Variants in DUOX1 observed in about 807,000 individuals in gnomAD.
The protein encoded by DUOX1 is dual oxidase 1.
DUOX1 carries 134 observed loss-of-function variants against 181.8 expected under a neutral mutation model. The ratio of observed to expected loss-of-function variants is 0.74; its 90% CI spans 0.64 to 0.85. The LOEUF (loss-of-function observed/expected upper bound fraction) is 0.85, where lower values mean the gene tolerates loss of function less well. Ranked by LOEUF, DUOX1 falls within the 40% of genes least tolerant of loss-of-function variation. The pLI is 0.00. For missense variants in DUOX1, 1,814 were observed against 2,064.4 expected, an observed-to-expected ratio of 0.88 and a Z score of 2.35; for synonymous variants, 798 against 832.5, an observed-to-expected ratio of 0.96 and a Z score of 0.71.
intron 10 of DUOX1, chr15:45,138,548 A>C (rs1567010140): frequency 1.3e-5 from 2 of 157,232 alleles, no homozygotes; most frequent in African/African-American, 2.4e-5. Context: ...ATTGATTGTG[A>C]ATTTAAAGCA....
At chr15:45,144,829 C>T (rs1896606214) in intron 17 of DUOX1, 66 bp from the exon 18 acceptor site, 2 of 1,508,236 alleles carry the variant, frequency 1.3e-6, no homozygotes, top group Non-Finnish European at 1.8e-6. Flanking sequence ...TGACATAATC[C>T]ACATAAACTG....
intron 13 of DUOX1, 39 bp downstream of exon 13, chr15:45,141,109 G>T (rs769052250): frequency 1.2e-6 from 2 of 1,613,082 alleles, no homozygotes; most frequent in South Asian, 2.2e-5. Flanking sequence ...CTCTACCTCG[G>T]CCTGGGCCCC....
At chr15:45,152,239 T>A (rs1180991525) in intron 24 of DUOX1, 47 bp from the exon 25 acceptor site, 1 of 1,560,110 alleles carries the variant, frequency 6.4e-7, no homozygotes, top group Non-Finnish European at 8.7e-7. Flanking sequence ...ACCAGCTCTC[T>A]GTCCTCTGCA....
intron 25 of DUOX1, 29 bp from the exon 26 acceptor site, chr15:45,153,351 A>G: frequency 6.2e-7 from 1 of 1,605,466 alleles, no homozygotes; most frequent in Non-Finnish European, 8.5e-7. Flanking sequence ...GGCTGCCCCA[A>G]GCTCACCACT....
chr15:45,135,000 T>C, intron 4 of DUOX1, 104 bp from the exon 5 acceptor site: 4 of 1,398,428 alleles, frequency 2.9e-6, no homozygotes, highest in Non-Finnish European at 3.9e-6. Flanking sequence ...TAATGGCTGC[T>C]GAGTCTTTTG....
Position 45,145,205 on chromosome 15 carries a change from T to G in DUOX1, c.2322+125T>G, listed in dbSNP as rs16939693. ...CAGCTAATAATCAAGTCTATTGCAATTTTGGATGAATCACCAGACTTTATC... is the reference window on the plus strand; with the variant it reads ...CAGCTAATAATCAAGTCTATTGCAAGTTTGGATGAATCACCAGACTTTATC... On this transcript the variant is annotated intron_variant, in intron 18 of 33. Transcript: ENST00000389037. 11,716 of 932,408 alleles carry G rather than the reference T, an allele frequency of 0.013. 894 individuals are homozygous for G. In the African/African-American group the frequency reaches 0.16, roughly 13 times the overall value. The allele number at this position is 932,408 out of a possible 1,614,324, so 57.8% of individuals were successfully genotyped here.
chr15:45,143,215 T>TG lies in DUOX1; in HGVS notation c.1849dup (p.Ala617GlyfsTer22). Reference sequence around the variant, plus strand: ...TGAGCCTGCTCAGTGCCTGGATTGTTGCCCGGCTCCGGATGAGAAATTTCA... The same window carrying TG: ...TGAGCCTGCTCAGTGCCTGGATTGTTGGCCCGGCTCCGGATGAGAAATTTCA... On this transcript the variant is annotated frameshift_variant, in exon 16 of 34. Coordinates refer to ENST00000389037, the MANE Select transcript of DUOX1 (RefSeq NM_175940.3). LOFTEE classifies it high-confidence loss of function. 1 of 1,614,092 alleles carries TG rather than the reference T, an allele frequency of 6.2e-7. No individual in the cohort carries two copies. The highest frequency in any genetic ancestry group is 8.5e-7 in the Non-Finnish European group (1 of 1,179,986).
At chr15:45,160,794 A>G in intron 28 of DUOX1, 43 bp from the exon 29 acceptor site, 1 of 1,563,144 alleles carries the variant, frequency 6.4e-7, no homozygotes, top group Non-Finnish European at 8.7e-7. Flanking sequence ...GTATTCTGCT[A>G]TGGGCATCGC....
chr15:45,143,372 C>T (rs1181365221), intron 16 of DUOX1, 69 bp downstream of exon 16: 4 of 1,272,578 alleles, frequency 3.1e-6, no homozygotes, highest in African/African-American at 1.5e-5. Context: ...CCCACCTCCA[C>T]CCCAGCAGCC....
rs572188492 is a variant in DUOX1 at position 45,145,037 on chromosome 15, G to A, written c.2279G>A (p.Arg760Gln). 24 of 1,613,146 alleles carry A rather than the reference G, an allele frequency of 1.5e-5. No homozygotes were observed. The highest frequency in any genetic ancestry group is 1.3e-4 in the Admixed American group (8 of 59,738). ...AGAGCAGCTGTGACACGGGAGCAGC[G>A]GAGGCACCTCCTGGAGACCTTTTTC... ...LMRAAVTREQ[R>Q]RHLLETFFRH... The change falls in exon 18 of 34, where the codon CGG (arginine) becomes CAG (glutamine). Residue 760 changes from arginine to glutamine, a missense_variant. Physicochemically the swap from Arg to Gln is conservative, Grantham distance 43 (BLOSUM62 1). This residue lies in a region of DUOX1 where 1,064 missense variants were observed against 1,152.9 expected (regional missense o/e 0.92). Coordinates refer to ENST00000389037, the MANE Select transcript of DUOX1 (RefSeq NM_175940.3).
chr15:45,161,939 C>G lies in DUOX1; in HGVS notation c.4058C>G (p.Pro1353Arg). Reference sequence around the variant, plus strand: ...CGCCTCAGGGAGATCTACTCAGCCCCGACGGGTGACAGATGTGCCAGATAC... The same window carrying G: ...CGCCTCAGGGAGATCTACTCAGCCCGGACGGGTGACAGATGTGCCAGATAC... ...TTRLREIYSAPTGDRCARYPK... is the reference protein window; with the variant it reads ...TTRLREIYSARTGDRCARYPK... Residue 1353 changes from proline (P) to arginine (R), a missense_variant, in exon 30 of 34, where the codon CCG becomes CGG. Pro to Arg is a moderately radical substitution (Grantham distance 103, BLOSUM62 -2). Around this residue, in one of 5 missense-constraint regions of DUOX1, gnomAD observed 279 missense variants for 381.9 expected, o/e 0.73. Transcript: ENST00000389037. 1.2e-6 allele frequency: 2 copies of G among 1,613,716 alleles called. No homozygotes were observed. The highest frequency in any genetic ancestry group is 2.2e-5 in the South Asian group (2 of 91,002).
At position 45,136,771 on chromosome 15, in the gene DUOX1, G is replaced by A. The variant is rs1214853176; in HGVS notation, c.1022+146G>A. 9 of 727,926 alleles carry A rather than the reference G, an allele frequency of 1.2e-5. No homozygotes were observed. The African/African-American group carries it at 1.6e-4, about 13-fold the overall frequency. 45.1% of individuals were successfully genotyped at this position (727,926 alleles called of 1,614,324 possible). A position where few individuals can be genotyped will look rare whatever the true frequency, so the allele number is the denominator to read the frequency against. On this transcript the variant is annotated intron_variant, in intron 9 of 33. Coordinates refer to ENST00000389037, the MANE Select transcript of DUOX1 (RefSeq NM_175940.3). Reference sequence around the variant, plus strand: ...CGATAGAGAGGGGAAGAAAACAATTGTTTTAAAAGATACATCACTGTGGTT... The same window carrying A: ...CGATAGAGAGGGGAAGAAAACAATTATTTTAAAAGATACATCACTGTGGTT...
At position 45,147,997 on chromosome 15, in the gene DUOX1, G is replaced by A; in HGVS notation, c.2642G>A (p.Arg881Lys). Residue 881 changes from arginine to lysine, a missense_variant and splice_region_variant, in exon 20 of 34, where the codon AGA becomes AAA. By Grantham distance (26) the Arg-to-Lys change is conservative. Coordinates refer to ENST00000389037, the MANE Select transcript of DUOX1 (RefSeq NM_175940.3). Reference protein sequence around the residue: ...ISKDEFIRMLRSFIEISNNCL... With the variant: ...ISKDEFIRMLKSFIEISNNCL... ...AAGGATGAGTTCATCAGGATGCTGAGGTTTGTTCTCTGGGACAGCCAGGAG... is the reference window on the plus strand; with the variant it reads ...AAGGATGAGTTCATCAGGATGCTGAAGTTTGTTCTCTGGGACAGCCAGGAG... The A allele has an allele frequency of 6.2e-7, 1 of 1,613,268 alleles. No homozygotes were observed. Among genetic ancestry groups the A allele is most frequent in the South Asian group, 1.1e-5 (1 of 91,068 alleles).
At chr15:45,142,242 C>T in intron 15 of DUOX1, 130 bp downstream of exon 15, 2 of 1,083,898 alleles carry the variant, frequency 1.8e-6, no homozygotes, top group Non-Finnish European at 1.3e-6. Context: ...GAGAATGAAA[C>T]ATTAGAGGAG....
chr15:45,163,423 GA>G, intron 31 of DUOX1, 108 bp from the exon 32 acceptor site: 8 of 1,497,794 alleles, frequency 5.3e-6, no homozygotes, highest in Non-Finnish European at 7.2e-6. Flanking sequence ...GCTGTCTAGG[GA>G]AGGGCACAAG....
At chr15:45,150,220 T>A (rs1896765184) in intron 21 of DUOX1, 1 of 163,344 alleles carries the variant, frequency 6.1e-6, no homozygotes, top group Admixed American at 6.2e-5. Flanking sequence ...TAAAAAGAAC[T>A]GTAGCGTGAT....
At chr15:45,134,091 G>A (rs1338569614) in intron 3 of DUOX1, 54 bp from the exon 4 acceptor site, 3 of 1,536,762 alleles carry the variant, frequency 2.0e-6, no homozygotes, top group East Asian at 2.3e-5. Flanking sequence ...GGGAGAGAGG[G>A]GGTCAAGAAT....
chr15:45,161,988 G>C lies in DUOX1; in HGVS notation c.4089+18G>C, dbSNP rs1357774995. On this transcript the variant is annotated intron_variant, in intron 30 of 33. Transcript: ENST00000389037. ...ACCCAAAGGTACCAGACCCTGGCCA[G>C]ACATGCCACATGCGCCCATATCCCC... 2 of 1,595,682 alleles carry C rather than the reference G, an allele frequency of 1.3e-6. No individual in the cohort carries two copies. The highest frequency in any genetic ancestry group is 1.1e-5 in the South Asian group (1 of 89,372).
intron 28 of DUOX1, among the ~76,000 whole-genome samples, chr15:45,160,158 C>A (rs1004335115): frequency 5.3e-5 from 8 of 152,030 alleles, no homozygotes; most frequent in African/African-American, 1.9e-4. Context: ...TCCCCCCAAC[C>A]CCCAAAAAAC....
Sources: gnomAD v4.1 joint callset for allele counts (sites outside exome capture counted in the v4.1 genomes callset) on GRCh38, gnomAD v4.1.1 for gene constraint, gnomAD v4.1.1 regional missense constraint, MANE v1.5 for transcripts, NCBI Gene and HGNC (gene_info 2026-07-23, HGNC 2026-07-21) for gene names.